DIXDC1: variants seen among roughly 807,000 people sequenced by gnomAD.
DIXDC1 encodes the protein DIX domain containing 1, also known as dixin.
DIXDC1 carries 64 observed loss-of-function variants against 103.1 expected under a neutral mutation model. The observed-to-expected ratio is 0.62, with a 90% CI of 0.51 to 0.76. The LOEUF (loss-of-function observed/expected upper bound fraction) is 0.76. Ranked by LOEUF, DIXDC1 falls within the 30% of genes least tolerant of loss-of-function variation. The pLI is 0.00. For synonymous variants in DIXDC1, 266 were observed against 298.5 expected, an observed-to-expected ratio of 0.89 and a Z score of 1.12; for missense variants, 759 against 834.2, an observed-to-expected ratio of 0.91 and a Z score of 1.11.
chr11:111,983,527 C>T (rs886146119), intron 7 of DIXDC1, among the ~76,000 whole-genome samples: 3 of 152,164 alleles, frequency 2.0e-5, no homozygotes, highest in Admixed American at 6.5e-5. Flanking sequence ...TTTTCTGCCA[C>T]TCCATTAACA....
intron 17 of DIXDC1, 40 bp from the exon 18 acceptor site, chr11:112,016,651 G>GTT: frequency 6.6e-7 from 1 of 1,505,222 alleles, no homozygotes; most frequent in Non-Finnish European, 9.0e-7. Flanking sequence ...CTGGTTTAGA[G>GTT]CAAATGAATG....
chr11:111,960,207 GC>G (rs371794165), intron 1 of DIXDC1, among the ~76,000 whole-genome samples: 83 of 152,086 alleles, frequency 5.5e-4, no homozygotes, highest in African/African-American at 1.9e-3. Context: ...ACTGTGCCCG[GC>G]GAAATACAGC....
In DIXDC1 at chr11:112,013,217, C is replaced by T. The variant is rs375421657; in HGVS notation, c.1757-3474C>T. On this transcript the variant is annotated intron_variant, in intron 17 of 19. Transcript: ENST00000440460. ...AGTTCTGTTGGATCAGGGCTCCACCCGTATGACCTCATTTAATCTTAATTA... is the reference window on the plus strand; with the variant it reads ...AGTTCTGTTGGATCAGGGCTCCACCTGTATGACCTCATTTAATCTTAATTA... Among the ~76,000 whole-genome samples, 48 of 148,574 alleles carry T rather than the reference C, an allele frequency of 3.2e-4. 2 individuals are homozygous for T. In the East Asian group the frequency reaches 8.6e-3, roughly 27 times the overall value.
Position 112,009,161 on chromosome 11 carries a change from A to G in DIXDC1, c.1757-7530A>G, listed in dbSNP as rs1026228626. On this transcript the variant is annotated intron_variant, in intron 17 of 19. Coordinates refer to ENST00000440460, the MANE Select transcript of DIXDC1 (RefSeq NM_001037954.4). ...TCCCACAGAAATACAAACTACCATC[A>G]GAGAATACTATAAACACCTCTACGC... 3.9e-5 allele frequency among the ~76,000 whole-genome samples: 6 copies of G among 152,334 alleles called. No individual in the cohort carries two copies. In the South Asian group the frequency reaches 1.2e-3, roughly 32 times the overall value.
intron 2 of DIXDC1, among the ~76,000 whole-genome samples, chr11:111,967,083 C>T (rs1859763571): frequency 6.6e-6 from 1 of 151,982 alleles, no homozygotes; most frequent in African/African-American, 2.4e-5. Context: ...TTTTCATTTC[C>T]TTCCTGACCT....
intron 14 of DIXDC1, 88 bp downstream of exon 14, chr11:111,993,828 G>T: frequency 1.4e-6 from 2 of 1,474,614 alleles, no homozygotes; most frequent in East Asian, 2.4e-5. Context: ...CAAGGCCACA[G>T]GCTTGTTTGT....
intron 17 of DIXDC1, among the ~76,000 whole-genome samples, chr11:112,006,551 C>G (rs1861244907): frequency 6.6e-6 from 1 of 152,194 alleles, no homozygotes; most frequent in African/African-American, 2.4e-5. Flanking sequence ...ACTTACATCT[C>G]ATACAGGCAA....
At chr11:111,955,565 T>G (rs1966897011) in intron 1 of DIXDC1, among the ~76,000 whole-genome samples, 1 of 151,596 alleles carries the variant, frequency 6.6e-6, no homozygotes, top group African/African-American at 2.4e-5. Context: ...CCCGGTGCGG[T>G]GGCTCATGCC....
Position 112,021,971 on chromosome 11 carries a change from C to G in DIXDC1, c.*2935C>G, listed in dbSNP as rs1169407245. The G allele has an allele frequency of 1.4e-5, 2 of 139,224 alleles. No homozygotes were observed. Among genetic ancestry groups the G allele is most frequent in the South Asian group, 2.4e-4 (1 of 4,236 alleles). The allele number at this position is 139,224 out of a possible 1,614,324, so 8.6% of individuals were successfully genotyped here. On this transcript the variant is annotated 3_prime_UTR_variant, in exon 20 of 20. Transcript: ENST00000440460. ...TCTAGCCTAGGCTACAGAGCAGGAC[C>G]CCATCTCCAAAAAAAAAAAAAAAAA...
intron 1 of DIXDC1, among the ~76,000 whole-genome samples, chr11:111,960,575 CAA>C (rs782740281): frequency 1.0e-3 from 138 of 131,806 alleles, no homozygotes; most frequent in Non-Finnish European, 2.0e-3. Flanking sequence ...GCCTGGGAGA[CAA>C]GAGTGAAACT....
intron 17 of DIXDC1, among the ~76,000 whole-genome samples, chr11:112,013,848 C>T (rs1300101885): frequency 6.6e-6 from 1 of 152,110 alleles, no homozygotes; most frequent in Non-Finnish European, 1.5e-5. Flanking sequence ...TTGTTTGGCT[C>T]ACAATTCGGC....
chr11:111,965,152 C>A (rs782321872), intron 2 of DIXDC1, among the ~76,000 whole-genome samples: 73 of 152,282 alleles, frequency 4.8e-4, no homozygotes, highest in Non-Finnish European at 7.9e-4. Context: ...AGGGATGTTA[C>A]TGGCAAAAGG....
chr11:111,992,386 A>C, intron 10 of DIXDC1, 29 bp from the exon 11 acceptor site: 1 of 1,535,926 alleles, frequency 6.5e-7, no homozygotes, highest in Non-Finnish European at 8.8e-7. Flanking sequence ...GAACTGAGAC[A>C]ACAATAATTA....
At chr11:111,970,666 A>G (rs2137525291) in intron 3 of DIXDC1, among the ~76,000 whole-genome samples, 4 of 151,846 alleles carry the variant, frequency 2.6e-5, no homozygotes, top group African/African-American at 9.7e-5. Flanking sequence ...TATCTCAAAA[A>G]AAAAAAAAAA....
At chr11:111,946,216 C>G (rs1262746009) in intron 1 of DIXDC1, among the ~76,000 whole-genome samples, 3 of 151,778 alleles carry the variant, frequency 2.0e-5, no homozygotes, top group African/African-American at 7.3e-5. Context: ...TCCCGCCATT[C>G]TCCTGCCTCA....
rs1213455542 is a variant in DIXDC1, at chr11:111,995,644, C to A, written c.1689+80C>A. 22 of 1,555,752 alleles carry A rather than the reference C, an allele frequency of 1.4e-5. No individual in the cohort carries two copies. The Admixed American group carries it at 3.2e-4, about 23-fold the overall frequency. On this transcript the variant is annotated intron_variant, in intron 16 of 19. Transcript: ENST00000440460. ...TTAAGAATTTTAATTGAGATGAAGG[C>A]AGTGTGAAGAGATACAAGACCCTGT...
intron 7 of DIXDC1, among the ~76,000 whole-genome samples, chr11:111,983,103 A>G (rs1860371789): frequency 6.6e-6 from 1 of 152,164 alleles, no homozygotes; most frequent in African/African-American, 2.4e-5. Context: ...TGACCCCCTC[A>G]TTCTTGTCTT....
At chr11:111,975,133 T>A in intron 5 of DIXDC1, 150 bp downstream of exon 5, 1 of 1,451,582 alleles carries the variant, frequency 6.9e-7, no homozygotes, top group Non-Finnish European at 9.1e-7. Context: ...CAGTGCTTTG[T>A]GGGTTTGTGC....
At chr11:111,959,926 T>C (rs868977860) in intron 1 of DIXDC1, among the ~76,000 whole-genome samples, 3 of 152,130 alleles carry the variant, frequency 2.0e-5, no homozygotes, top group African/African-American at 4.8e-5. Flanking sequence ...TTGTTTGTTT[T>C]TGAGATGGAG....
Sources: allele counts gnomAD v4.1 joint callset (sites outside exome capture counted in the v4.1 genomes callset), GRCh38; gene constraint gnomAD v4.1.1; transcripts MANE v1.5; gene names NCBI Gene and HGNC (gene_info 2026-07-23, HGNC 2026-07-21).